Variants in MICU1 observed in about 807,000 individuals in gnomAD.
The protein encoded by MICU1 is mitochondrial calcium uptake 1.
A neutral mutation model predicts 56.8 loss-of-function variants in MICU1; 45 were observed. The observed-to-expected ratio is 0.79, with a 90% confidence interval of 0.62 to 1.02. The LOEUF (loss-of-function observed/expected upper bound fraction) is 1.02, where lower values mean the gene tolerates loss of function less well. Among genes scored for constraint, MICU1 ranks in the 50% least tolerant of loss-of-function variants. The pLI is 0.00. For synonymous variants in MICU1, 186 were observed against 195.1 expected (o/e 0.95, Z 0.39); for missense variants, 504 against 587.1 (o/e 0.86, Z 1.46).
At chr10:72,382,671 G>A (rs1008847943) in intron 10 of MICU1, among the ~76,000 whole-genome samples, 6 of 152,108 alleles carry the variant, frequency 3.9e-5, no homozygotes, top group African/African-American at 1.4e-4. Flanking sequence ...CACTTTATGA[G>A]GCCAAGGCAG....
chr10:72,505,996 C>CAAAAAAAAA (rs34458233), intron 6 of MICU1, among the ~76,000 whole-genome samples: 1 of 138,396 alleles, frequency 7.2e-6, no homozygotes. Flanking sequence ...AACAAGCAAG[C>CAAAAAAAAA]AAAAAAAAAA....
chr10:72,562,642 C>T (rs1181667793), intron 3 of MICU1: 2 of 308,772 alleles, frequency 6.5e-6, no homozygotes, highest in Non-Finnish European at 1.2e-5. Context: ...AAAAGAATCA[C>T]CTTAGGCAGT....
intron 1 of MICU1, among the ~76,000 whole-genome samples, chr10:72,623,297 T>G (rs1352773517): frequency 1.1e-4 from 2 of 17,452 alleles, no homozygotes; most frequent in African/African-American, 3.0e-4. Context: ...CGAGACTCCG[T>G]CTCAAAAAAA....
chr10:72,416,751 A>C (rs1359253342), intron 9 of MICU1, among the ~76,000 whole-genome samples: 1 of 152,178 alleles, frequency 6.6e-6, no homozygotes, highest in Non-Finnish European at 1.5e-5. Flanking sequence ...ACTTCCTCTA[A>C]GAAATCTTAC....
intron 4 of MICU1, among the ~76,000 whole-genome samples, chr10:72,549,001 A>C (rs1266211587): frequency 6.6e-6 from 1 of 152,108 alleles, no homozygotes; most frequent in East Asian, 1.9e-4. Flanking sequence ...CTGGCCAACA[A>C]CCAAAAATTT....
chr10:72,591,492 C>G (rs7914278), intron 1 of MICU1, among the ~76,000 whole-genome samples: 89,165 of 151,768 alleles, frequency 0.59, 27,464 homozygotes, highest in Non-Finnish European at 0.68. Context: ...GATGTACTAA[C>G]AAGAAAGAGA....
chr10:72,472,341 A>C (rs1218977735), intron 8 of MICU1, among the ~76,000 whole-genome samples: 1 of 152,250 alleles, frequency 6.6e-6, no homozygotes, highest in Non-Finnish European at 1.5e-5. Context: ...AGAGCTGACC[A>C]GATAATGTCT....
intron 1 of MICU1, among the ~76,000 whole-genome samples, chr10:72,588,327 T>TG (rs974219860): frequency 2.3e-4 from 11 of 47,872 alleles, no homozygotes; most frequent in Non-Finnish European, 1.4e-3. Flanking sequence ...CAGTCTGAGG[T>TG]TTTTTTTTTT....
At chr10:72,423,122 G>T in intron 9 of MICU1, 112 bp downstream of exon 9, 1 of 1,380,062 alleles carries the variant, frequency 7.2e-7, no homozygotes, top group Non-Finnish European at 9.8e-7. Context: ...AAATGAATTA[G>T]GTGTAATCAT....
At chr10:72,407,173 A>ACT (rs1351746087) in intron 10 of MICU1, among the ~76,000 whole-genome samples, 3 of 152,200 alleles carry the variant, frequency 2.0e-5, no homozygotes, top group Non-Finnish European at 2.9e-5. Flanking sequence ...TGAATCTTGA[A>ACT]CTTTAGTTAA....
intron 9 of MICU1, among the ~76,000 whole-genome samples, chr10:72,420,324 G>T (rs1329918380): frequency 6.6e-6 from 1 of 152,152 alleles, no homozygotes; most frequent in African/African-American, 2.4e-5. Flanking sequence ...GCCTCCCAAA[G>T]TGCTGGGATT....
chr10:72,514,382 T>C (rs1156901765), intron 5 of MICU1, among the ~76,000 whole-genome samples: 2 of 152,142 alleles, frequency 1.3e-5, no homozygotes, highest in African/African-American at 2.4e-5. Flanking sequence ...ATTTATTGTT[T>C]CTATGTATGC....
At chr10:72,380,517 G>T (rs906227931) in intron 10 of MICU1, among the ~76,000 whole-genome samples, 1 of 152,116 alleles carries the variant, frequency 6.6e-6, no homozygotes, top group Non-Finnish European at 1.5e-5. Context: ...AAGAAACCCT[G>T]AGTTTGTGTG....
At chr10:72,608,243 A>T (rs1399505257) in intron 1 of MICU1, among the ~76,000 whole-genome samples, 1 of 151,550 alleles carries the variant, frequency 6.6e-6, no homozygotes, top group East Asian at 1.9e-4. Context: ...TAATTTTTGT[A>T]TTTTTTTTAG....
intron 4 of MICU1, among the ~76,000 whole-genome samples, chr10:72,548,011 A>G (rs188883816): frequency 2.0e-5 from 3 of 152,350 alleles, no homozygotes; most frequent in African/African-American, 4.8e-5. Flanking sequence ...GTATCCACCA[A>G]TTCTCAGCAG....
chr10:72,543,456 G>A (rs1055845156), intron 4 of MICU1, among the ~76,000 whole-genome samples: 1 of 152,090 alleles, frequency 6.6e-6, no homozygotes, highest in Non-Finnish European at 1.5e-5. Flanking sequence ...AGAGGATCAC[G>A]TGAGCCCAGG....
intron 6 of MICU1, among the ~76,000 whole-genome samples, chr10:72,485,920 CT>C (rs764364080): frequency 5.3e-5 from 8 of 151,528 alleles, no homozygotes; most frequent in East Asian, 3.9e-4. Flanking sequence ...CACACACCCC[CT>C]ATGTGTGAAT....
intron 6 of MICU1, among the ~76,000 whole-genome samples, chr10:72,481,101 C>T (rs1021905876): frequency 2.0e-5 from 3 of 152,222 alleles, no homozygotes; most frequent in Non-Finnish European, 4.4e-5. Context: ...CTCACTTGGG[C>T]CTCACCAGCC....
chr10:72,553,104 T>C (rs1242953068), intron 3 of MICU1, among the ~76,000 whole-genome samples: 1 of 152,222 alleles, frequency 6.6e-6, no homozygotes, highest in South Asian at 2.1e-4. Context: ...ATTGAGCATG[T>C]GGCAAACACA....
Sources: allele counts gnomAD v4.1 joint callset (sites outside exome capture counted in the v4.1 genomes callset), GRCh38; gene constraint gnomAD v4.1.1; transcripts MANE v1.5; gene names NCBI Gene and HGNC (gene_info 2026-07-23, HGNC 2026-07-21).